Variants in EPC1 observed in about 807,000 individuals in gnomAD.
EPC1 encodes enhancer of polycomb homolog 1.
Under a neutral mutation model 98.4 loss-of-function variants are expected in EPC1, and 12 were observed. The observed-to-expected ratio is 0.12, with a 90% CI of 0.08 to 0.20. The LOEUF is 0.20. EPC1 is among the 10% of genes least tolerant of loss of function. The probability of loss-of-function intolerance (pLI) is 1.00; values close to 1 mark genes in which losing one functional copy is unlikely to be tolerated. For synonymous variants in EPC1, 357 were observed against 363.9 expected (o/e 0.98, Z 0.21); for missense variants, 729 against 990.5 (o/e 0.74, Z 3.54).
chr10:32,289,824 C>A lies in EPC1; in HGVS notation c.975+1339G>T, dbSNP rs551995896. Among the ~76,000 whole-genome samples, 11 of 152,114 alleles carry A rather than the reference C, an allele frequency of 7.2e-5. No individual in the cohort carries two copies. In the South Asian group the frequency reaches 2.1e-3, roughly 29 times the overall value. ...TATTTTTAGTAGAAACAGGGTTTCA[C>A]CGTGTTAGCCAGGATGGTCTCGATC... is the stretch of plus-strand genomic sequence containing the variant. On this transcript the variant is annotated intron_variant, in intron 6 of 13. Coordinates refer to ENST00000319778, the MANE Select transcript of EPC1 (RefSeq NM_001272004.3).
chr10:32,296,991 G>A (rs1343688906), intron 2 of EPC1, among the ~76,000 whole-genome samples: 1 of 151,824 alleles, frequency 6.6e-6, no homozygotes, highest in Non-Finnish European at 1.5e-5. Context: ...AAGCTAACAT[G>A]TAAAAACCCA....
intron 6 of EPC1, among the ~76,000 whole-genome samples, chr10:32,287,615 A>G (rs983411188): frequency 6.6e-6 from 1 of 152,204 alleles, no homozygotes; most frequent in Admixed American, 6.5e-5. Flanking sequence ...TGAAAATTCT[A>G]GAAGAGAATT....
At chr10:32,286,410 T>C (rs1836681012) in intron 9 of EPC1, 2 of 431,326 alleles carry the variant, frequency 4.6e-6, no homozygotes, top group Non-Finnish European at 8.3e-6. Flanking sequence ...CTTGTCTTCA[T>C]CTGTTGCCCT....
intron 1 of EPC1, among the ~76,000 whole-genome samples, chr10:32,309,868 G>T: frequency 6.7e-6 from 1 of 149,696 alleles, no homozygotes; most frequent in East Asian, 2.0e-4. Flanking sequence ...AAGGAGTTCT[G>T]ATTTTTACAA....
chr10:32,285,177 G>T, intron 9 of EPC1, 127 bp from the exon 10 acceptor site: 1 of 675,068 alleles, frequency 1.5e-6, no homozygotes, highest in Non-Finnish European at 2.4e-6. Context: ...AAGCTTTAAA[G>T]TTGATTATTT....
intron 2 of EPC1, among the ~76,000 whole-genome samples, chr10:32,294,973 G>A (rs1835062545): frequency 6.6e-6 from 1 of 151,994 alleles, no homozygotes; most frequent in South Asian, 2.1e-4. Context: ...GGAGGCAAAT[G>A]CCTATTTATT....
chr10:32,296,875 C>T (rs1835199000), intron 2 of EPC1, among the ~76,000 whole-genome samples: 1 of 150,886 alleles, frequency 6.6e-6, no homozygotes, highest in African/African-American at 2.5e-5. Context: ...CCACTGCAAT[C>T]TAGCCTGGGC....
intron 1 of EPC1, among the ~76,000 whole-genome samples, chr10:32,357,168 C>G (rs1442956582): frequency 4.6e-5 from 7 of 152,130 alleles, no homozygotes; most frequent in Admixed American, 2.6e-4. Context: ...CATGTTAGAA[C>G]AGAGTACATG....
intron 6 of EPC1, among the ~76,000 whole-genome samples, chr10:32,290,860 C>T (rs575975465): frequency 6.6e-6 from 1 of 151,856 alleles, no homozygotes; most frequent in African/African-American, 2.4e-5. Context: ...CTGCAACCTC[C>T]ACCTCCTGGA....
Position 32,347,007 on chromosome 10 carries a change from C to G in EPC1, c.-92G>C. ...GGGGGTTCGGTCCCCACTCGCCAAC[C>G]GCTGCCGGGGACTTGAGGGGCGGAG... On this transcript the variant is annotated 5_prime_UTR_variant, in exon 1 of 14. Coordinates refer to ENST00000319778, the MANE Select transcript of EPC1 (RefSeq NM_001272004.3). 6.5e-7 allele frequency: 1 copy of G among 1,539,806 alleles called. No homozygotes were observed. Among genetic ancestry groups the G allele is most frequent in the Non-Finnish European group, 8.7e-7 (1 of 1,150,148 alleles).
At chr10:32,346,324 G>A (rs1472608585) in intron 1 of EPC1, among the ~76,000 whole-genome samples, 1 of 152,150 alleles carries the variant, frequency 6.6e-6, no homozygotes, top group Non-Finnish European at 1.5e-5. Context: ...GCAGGCCGCA[G>A]TGGCCCTGGA....
intron 10 of EPC1, chr10:32,284,029 T>G (rs1436688535): frequency 1.3e-5 from 2 of 152,210 alleles, no homozygotes; most frequent in Non-Finnish European, 2.9e-5. Flanking sequence ...CAAAAATCAG[T>G]AGTAACATAA....
intron 2 of EPC1, among the ~76,000 whole-genome samples, chr10:32,301,189 G>A (rs1198448221): frequency 6.6e-6 from 1 of 152,026 alleles, no homozygotes; most frequent in Admixed American, 6.6e-5. Context: ...AAAAGGCTTC[G>A]AGTATTAAGC....
chr10:32,277,408 C>T (rs7074117), intron 10 of EPC1, among the ~76,000 whole-genome samples: 1 of 152,172 alleles, frequency 6.6e-6, no homozygotes, highest in African/African-American at 2.4e-5. Flanking sequence ...TTTAAGAAGG[C>T]AGTTTTTGGT....
chr10:32,319,933 C>T (rs1156691975), intron 1 of EPC1, among the ~76,000 whole-genome samples: 8 of 152,188 alleles, frequency 5.3e-5, no homozygotes, highest in Non-Finnish European at 1.5e-5. Context: ...CCCACCTTGG[C>T]CTCCCAAAGT....
At chr10:32,357,044 A>C (rs1014776461) in intron 1 of EPC1, among the ~76,000 whole-genome samples, 4 of 152,160 alleles carry the variant, frequency 2.6e-5, no homozygotes, top group African/African-American at 9.6e-5. Context: ...GTACCCTCCT[A>C]TAATCATTGT....
At chr10:32,314,861 G>A (rs562077145) in intron 1 of EPC1, among the ~76,000 whole-genome samples, 2 of 152,270 alleles carry the variant, frequency 1.3e-5, no homozygotes, top group South Asian at 4.1e-4. Context: ...TGCTGCTATC[G>A]CCATTCCTCA....
chr10:32,282,432 A>C (rs1836456936), intron 10 of EPC1: 1 of 152,246 alleles, frequency 6.6e-6, no homozygotes, highest in African/African-American at 2.4e-5. Flanking sequence ...AGGTTGGGGG[A>C]TCACTGAGCC....
intron 1 of EPC1, among the ~76,000 whole-genome samples, chr10:32,343,775 T>C (rs1200395335): frequency 6.6e-6 from 1 of 152,102 alleles, no homozygotes; most frequent in Non-Finnish European, 1.5e-5. Context: ...CAGCTCATAG[T>C]ATTAAAACTG....
Sources: gnomAD v4.1 joint callset for allele counts (sites outside exome capture counted in the v4.1 genomes callset) on GRCh38, gnomAD v4.1.1 for gene constraint, MANE v1.5 for transcripts, NCBI Gene and HGNC (gene_info 2026-07-23, HGNC 2026-07-21) for gene names.